The following ST8SIA5 variants were observed in gnomAD, a reference collection of about 807,000 sequenced individuals.
The protein encoded by ST8SIA5 is alpha-2,8-sialyltransferase 8E.
ST8SIA5 carries 24 observed loss-of-function variants against 40.2 expected under a neutral mutation model. The observed-to-expected ratio is 0.60, with a 90% CI of 0.43 to 0.84. ST8SIA5 has a LOEUF of 0.84. Ranked by LOEUF, ST8SIA5 falls within the 40% of genes least tolerant of loss-of-function variation. ST8SIA5 has a pLI of 0.00. For missense variants in ST8SIA5, 465 were observed against 498.5 expected (o/e 0.93, Z 0.64); for synonymous variants, 198 against 201.8 (o/e 0.98, Z 0.16).
chr18:46,677,484 T>C lies in ST8SIA5; in HGVS notation c.*2558A>G, dbSNP rs1231301530. 6.6e-6 allele frequency: 1 copy of C among 152,210 alleles called. No homozygotes were observed. Among genetic ancestry groups the C allele is most frequent in the Non-Finnish European group, 1.5e-5 (1 of 68,042 alleles). The allele number at this position is 152,210 out of a possible 1,614,324, so 9.4% of individuals were successfully genotyped here. A position where few individuals can be genotyped will look rare whatever the true frequency, so the allele number is the denominator to read the frequency against. ...GTAGCTTGATAAATGCTAGCTAGTA[T>C]AATGAGAAATATTAATTATGGTTTA... is the stretch of plus-strand genomic sequence containing the variant. On this transcript the variant is annotated 3_prime_UTR_variant, in exon 7 of 7. Coordinates refer to ENST00000315087, the MANE Select transcript of ST8SIA5 (RefSeq NM_013305.6).
rs1477932401 is a variant in ST8SIA5, at chr18:46,680,176, T to C, written c.997A>G (p.Ile333Val). 7 of 1,614,044 alleles carry C rather than the reference T, an allele frequency of 4.3e-6. No homozygotes were observed. Among genetic ancestry groups the C allele is most frequent in the African/African-American group, 4.0e-5 (3 of 74,940 alleles). The change falls in exon 7 of 7, where the codon ATC becomes GTC. Residue 333 changes from isoleucine (I) to valine (V), a missense_variant. Transcript: ENST00000315087. ...AFPMNPSGLY[I>V]THHYYDNVKP... ...ACGTTGTCATAGTAGTGGTGAGTGA[T>C]GTAGAGGCCCGAGGGGTTCATGGGG... is the stretch of plus-strand genomic sequence containing the variant.
At chr18:46,710,236 A>G (rs2039709266) in intron 1 of ST8SIA5, among the ~76,000 whole-genome samples, 1 of 150,032 alleles carries the variant, frequency 6.7e-6, no homozygotes, top group Non-Finnish European at 1.5e-5. Flanking sequence ...AGACAAATGC[A>G]GAAGGCCAGA....
At chr18:46,751,082 T>C (rs1472929270) in intron 1 of ST8SIA5, among the ~76,000 whole-genome samples, 1 of 152,158 alleles carries the variant, frequency 6.6e-6, no homozygotes, top group Non-Finnish European at 1.5e-5. Flanking sequence ...CCATCTCCAA[T>C]ACTTTCTCAT....
intron 1 of ST8SIA5, among the ~76,000 whole-genome samples, chr18:46,713,776 C>A (rs34163180): frequency 5.9e-5 from 9 of 152,034 alleles, no homozygotes; most frequent in Admixed American, 3.3e-4. Flanking sequence ...ATCTAGCAAC[C>A]AGGAAGTCAT....
At position 46,681,996 on chromosome 18, in the gene ST8SIA5, AC is replaced by A. The variant is rs1413000516; in HGVS notation, c.637del (p.Val213Ter). The A allele has an allele frequency of 6.2e-7, 1 of 1,614,088 alleles. No homozygotes were observed. Among genetic ancestry groups the A allele is most frequent in the Non-Finnish European group, 8.5e-7 (1 of 1,180,000 alleles). ...DVGVKTDVVTVNPSIITERFH... is the reference protein window; with the variant it reads ...DVGVKTDVVTXNPSIITERFH... ...CCTCTCTGTGATGATGCTGGGGTTC[AC>A]AGTGACCACATCCGTCTTCACCCCC... On this transcript the variant is annotated frameshift_variant, in exon 6 of 7. Transcript: ENST00000315087. LOFTEE classifies it high-confidence loss of function.
At chr18:46,685,479 G>A (rs1412084268) in intron 5 of ST8SIA5, among the ~76,000 whole-genome samples, 1 of 152,142 alleles carries the variant, frequency 6.6e-6, no homozygotes, top group Non-Finnish European at 1.5e-5. Flanking sequence ...CTAGAGACAG[G>A]GGCTGGGGTT....
At chr18:46,748,351 A>T (rs1233953476) in intron 1 of ST8SIA5, among the ~76,000 whole-genome samples, 1 of 151,898 alleles carries the variant, frequency 6.6e-6, no homozygotes, top group Non-Finnish European at 1.5e-5. Flanking sequence ...ATCACCTGAG[A>T]TTAGGAGTTC....
rs1350832589 is a variant in ST8SIA5, at chr18:46,696,834, G to A, written c.225-4579C>T. 2.6e-5 allele frequency among the ~76,000 whole-genome samples: 4 copies of A among 152,158 alleles called. No homozygotes were observed. In the East Asian group the frequency reaches 7.7e-4, roughly 29 times the overall value. On this transcript the variant is annotated intron_variant, in intron 2 of 6. Transcript: ENST00000315087. Reference sequence around the variant, plus strand: ...TAGATGAATAGAATGACAGGGAAGGGCATCTCAGTAGAAGAGAAATTTCAA... The same window carrying A: ...TAGATGAATAGAATGACAGGGAAGGACATCTCAGTAGAAGAGAAATTTCAA...
chr18:46,688,792 A>G lies in ST8SIA5; in HGVS notation c.439T>C (p.Phe147Leu). ...AGCAGCACCTTGGGAAACATGCGGAAGATCTCCTGGTTGATGTGGTAGATG... is the reference window on the plus strand; with the variant it reads ...AGCAGCACCTTGGGAAACATGCGGAGGATCTCCTGGTTGATGTGGTAGATG... ...SGIYHINQEI[F>L]RMFPKDMPYY... The change falls in exon 4 of 7, where the codon TTC (phenylalanine) becomes CTC (leucine). Residue 147 changes from phenylalanine to leucine, a missense_variant. Transcript: ENST00000315087. The G allele has an allele frequency of 6.2e-7, 1 of 1,613,160 alleles. No individual in the cohort carries two copies. Among genetic ancestry groups the G allele is most frequent in the Non-Finnish European group, 8.5e-7 (1 of 1,179,600 alleles).
intron 1 of ST8SIA5, among the ~76,000 whole-genome samples, chr18:46,734,194 C>T (rs1332671766): frequency 3.9e-5 from 6 of 152,204 alleles, no homozygotes; most frequent in African/African-American, 1.4e-4. Context: ...TGTCCATGCT[C>T]CTGACTCACT....
chr18:46,695,291 G>A (rs559327613), intron 2 of ST8SIA5, among the ~76,000 whole-genome samples: 1 of 152,252 alleles, frequency 6.6e-6, no homozygotes, highest in African/African-American at 2.4e-5. Flanking sequence ...TACATAGCTG[G>A]CAGGGGAGGG....
At chr18:46,702,297 T>G (rs1171149882) in intron 2 of ST8SIA5, among the ~76,000 whole-genome samples, 1 of 152,216 alleles carries the variant, frequency 6.6e-6, no homozygotes, top group Non-Finnish European at 1.5e-5. Flanking sequence ...TACCAGCTTC[T>G]GAACTTGGCT....
chr18:46,710,957 G>A (rs746258615), intron 1 of ST8SIA5, among the ~76,000 whole-genome samples: 10 of 152,088 alleles, frequency 6.6e-5, no homozygotes, highest in Admixed American at 2.0e-4. Context: ...CCTGTGTCAC[G>A]CACAAACACC....
chr18:46,689,885 G>A (rs944363692), intron 3 of ST8SIA5, among the ~76,000 whole-genome samples: 1 of 150,456 alleles, frequency 6.6e-6, no homozygotes, highest in Non-Finnish European at 1.5e-5. Context: ...CACCATGCCT[G>A]GCCTATAATG....
intron 1 of ST8SIA5, among the ~76,000 whole-genome samples, chr18:46,742,271 T>C (rs900872400): frequency 2.0e-5 from 3 of 152,066 alleles, no homozygotes; most frequent in Non-Finnish European, 2.9e-5. Flanking sequence ...GGATTAATCA[T>C]ACCATATACA....
At chr18:46,716,569 C>T (rs141226502) in intron 1 of ST8SIA5, among the ~76,000 whole-genome samples, 1 of 152,256 alleles carries the variant, frequency 6.6e-6, no homozygotes, top group East Asian at 1.9e-4. Context: ...AGGTAAGACC[C>T]GGAGGGCCAA....
intron 1 of ST8SIA5, among the ~76,000 whole-genome samples, chr18:46,744,135 G>A (rs982027849): frequency 7.2e-5 from 11 of 152,166 alleles, no homozygotes; most frequent in African/African-American, 2.7e-4. Flanking sequence ...AACCATCGAT[G>A]CTATGAAGAA....
intron 1 of ST8SIA5, among the ~76,000 whole-genome samples, chr18:46,714,115 C>T (rs1357513972): frequency 1.3e-5 from 2 of 152,048 alleles, no homozygotes; most frequent in Admixed American, 6.6e-5. Flanking sequence ...CCAGGAGGCT[C>T]GCATGGGGAA....
rs528750250 is a variant in ST8SIA5, at chr18:46,679,793, C to T, written c.*249G>A. On this transcript the variant is annotated 3_prime_UTR_variant, in exon 7 of 7. Transcript: ENST00000315087. ...GGGTGTGGCCCAGCAGCATGCTAGC[C>T]AGGGCAGGTGGACGCACTGGGCGGA... 9 of 539,212 alleles carry T rather than the reference C, an allele frequency of 1.7e-5. No homozygotes were observed. In the East Asian group the frequency reaches 2.5e-4, roughly 15 times the overall value. The allele number at this position is 539,212 out of a possible 1,614,324, so 33.4% of individuals were successfully genotyped here.
Sources: gnomAD v4.1 joint callset for allele counts (sites outside exome capture counted in the v4.1 genomes callset) on GRCh38, gnomAD v4.1.1 for gene constraint, MANE v1.5 for transcripts, NCBI Gene and HGNC (gene_info 2026-07-23, HGNC 2026-07-21) for gene names.